The following SPAG1 variants were observed in gnomAD, a reference collection of about 807,000 sequenced individuals.
SPAG1 encodes the protein sperm-associated antigen 1.
A neutral mutation model predicts 100.5 loss-of-function variants in SPAG1; 69 were observed. The observed-to-expected ratio is 0.69, with a 90% CI of 0.57 to 0.84. SPAG1 has a LOEUF of 0.84. SPAG1 is among the 40% of genes least tolerant of loss of function. The pLI, the probability that SPAG1 is intolerant of heterozygous loss-of-function variation, is 0.00. For synonymous variants in SPAG1, 336 were observed against 411.6 expected (o/e 0.82, Z 2.22); for missense variants, 955 against 1,133.1 (o/e 0.84, Z 2.26).
At chr8:100,206,235 C>A (rs565236063) in intron 10 of SPAG1, among the ~76,000 whole-genome samples, 5 of 152,092 alleles carry the variant, frequency 3.3e-5, no homozygotes, top group Non-Finnish European at 5.9e-5. Context: ...ATTAACACAT[C>A]TCCTGGTACC....
intron 16 of SPAG1, among the ~76,000 whole-genome samples, chr8:100,234,031 A>G (rs1460839563): frequency 1.3e-5 from 2 of 152,228 alleles, no homozygotes; most frequent in East Asian, 3.9e-4. Context: ...GTAAAATGCC[A>G]TTCTTCTCTA....
At chr8:100,182,643 AT>A (rs1220823121) in intron 4 of SPAG1, among the ~76,000 whole-genome samples, 6 of 152,144 alleles carry the variant, frequency 3.9e-5, no homozygotes, top group Non-Finnish European at 8.8e-5. Context: ...TTCTTTTTTA[AT>A]GTAATTATTC....
At chr8:100,183,900 A>T in intron 5 of SPAG1, 56 bp from the exon 6 acceptor site, 1 of 808,768 alleles carries the variant, frequency 1.2e-6, no homozygotes, top group South Asian at 1.6e-5. Context: ...TCAATGATAA[A>T]TTTATTTTCT....
chr8:100,241,189 C>G lies in SPAG1; in HGVS notation c.*167C>G. ...ACATAGAACATGTATATTCTACAAT[C>G]TGCTTTTTATTAGTTGTAAATATTT... On this transcript the variant is annotated 3_prime_UTR_variant, in exon 19 of 19. Transcript: ENST00000388798. The surrounding 1 kb of genome is among the most constrained non-coding windows in gnomAD (Gnocchi z 5.1). The G allele has an allele frequency of 4.2e-6, 2 of 479,724 alleles. No homozygotes were observed. The highest frequency in any genetic ancestry group is 7.0e-6 in the Non-Finnish European group (2 of 284,596). The allele number at this position is 479,724 out of a possible 1,614,324, so 29.7% of individuals were successfully genotyped here. A position where few individuals can be genotyped will look rare whatever the true frequency, so the allele number is the denominator to read the frequency against.
intron 3 of SPAG1, among the ~76,000 whole-genome samples, chr8:100,175,350 T>C (rs1292186621): frequency 6.7e-6 from 1 of 150,284 alleles, no homozygotes; most frequent in Admixed American, 6.7e-5. Context: ...AGTGGCTCGA[T>C]CTTGGCTCAC....
Position 100,239,694 on chromosome 8 carries a change from G to A in SPAG1, c.2280+290G>A, listed in dbSNP as rs1336045371. Among the ~76,000 whole-genome samples, 3 of 152,146 alleles carry A rather than the reference G, an allele frequency of 2.0e-5. No individual in the cohort carries two copies. The highest frequency in any genetic ancestry group is 6.6e-5 in the Admixed American group (1 of 15,264). On this transcript the variant is annotated intron_variant, in intron 17 of 18. Coordinates refer to ENST00000388798, the MANE Select transcript of SPAG1 (RefSeq NM_003114.5). The surrounding 1 kb of genome is among the most constrained non-coding windows in gnomAD (Gnocchi z 5.0). ...ACTCCAGAGTACACTGGGAACCAGCGGCCACTGACTTTGCTCCAGGGTAGA... is the reference window on the plus strand; with the variant it reads ...ACTCCAGAGTACACTGGGAACCAGCAGCCACTGACTTTGCTCCAGGGTAGA...
At chr8:100,182,788 T>A (rs962017169) in intron 4 of SPAG1, among the ~76,000 whole-genome samples, 1 of 152,114 alleles carries the variant, frequency 6.6e-6, no homozygotes. Flanking sequence ...ATAATCATAT[T>A]CACACATAAG....
Position 100,240,741 on chromosome 8 carries a change from T to C in SPAG1, c.2619T>C (p.Leu873=), listed in dbSNP as rs1367475522. Residue 873 remains leucine (L), a synonymous_variant, in exon 18 of 19, where the codon CTT becomes CTC. Coordinates refer to ENST00000388798, the MANE Select transcript of SPAG1 (RefSeq NM_003114.5). The part of the protein sequence containing the change: ...EKDPSLVYQH[L]LYLSKAERFK... ...ATCCCTCATTGGTGTATCAGCATCTTTTATACCTGAGTAAAGCAGAAAGGT... is the reference window on the plus strand; with the variant it reads ...ATCCCTCATTGGTGTATCAGCATCTCTTATACCTGAGTAAAGCAGAAAGGT... 1 of 1,607,782 alleles carries C rather than the reference T, an allele frequency of 6.2e-7. No individual in the cohort carries two copies. The highest frequency in any genetic ancestry group is 8.5e-7 in the Non-Finnish European group (1 of 1,177,858).
At chr8:100,223,277 G>A (rs1003698220) in intron 13 of SPAG1, among the ~76,000 whole-genome samples, 1 of 152,044 alleles carries the variant, frequency 6.6e-6, no homozygotes, top group Non-Finnish European at 1.5e-5. Context: ...GTTCCTTTTC[G>A]TATATGCCTA....
chr8:100,194,942 G>A (rs1316366155), intron 10 of SPAG1, among the ~76,000 whole-genome samples: 1 of 152,028 alleles, frequency 6.6e-6, no homozygotes, highest in East Asian at 1.9e-4. Flanking sequence ...CGAGGCGGGT[G>A]CATCATGAGG....
chr8:100,160,618 C>T (rs1815262558), intron 1 of SPAG1, among the ~76,000 whole-genome samples: 1 of 131,336 alleles, frequency 7.6e-6, no homozygotes, highest in Non-Finnish European at 1.6e-5. Context: ...CAGAGCAAGA[C>T]TCCAACTCAA....
chr8:100,207,710 T>C (rs2132332806), intron 10 of SPAG1, among the ~76,000 whole-genome samples: 1 of 152,364 alleles, frequency 6.6e-6, no homozygotes, highest in Admixed American at 6.5e-5. Context: ...ACTCATGGAA[T>C]GCCTTATCCG....
chr8:100,241,500 A>G lies in SPAG1; in HGVS notation c.*478A>G, dbSNP rs1289745230. 3 of 152,242 alleles carry G rather than the reference A, an allele frequency of 2.0e-5. No individual in the cohort carries two copies. Among genetic ancestry groups the G allele is most frequent in the African/African-American group, 7.2e-5 (3 of 41,470 alleles). The allele number at this position is 152,242 out of a possible 1,614,324, so 9.4% of individuals were successfully genotyped here. On this transcript the variant is annotated 3_prime_UTR_variant, in exon 19 of 19. Coordinates refer to ENST00000388798, the MANE Select transcript of SPAG1 (RefSeq NM_003114.5). This position sits in a 1 kb window ranked among gnomAD's most constrained non-coding sequence, Gnocchi z 5.1. ...GTGGATTACAGTCAGTTAAAATGAA[A>G]TGCAACACTGAAGTCTATAACATGA...
intron 4 of SPAG1, among the ~76,000 whole-genome samples, chr8:100,181,971 A>G (rs768382591): frequency 6.6e-6 from 1 of 152,180 alleles, no homozygotes; most frequent in African/African-American, 2.4e-5. Flanking sequence ...TTGAGCCTGT[A>G]AGGACTGCAT....
At chr8:100,212,393 C>T (rs1817752241) in intron 10 of SPAG1, among the ~76,000 whole-genome samples, 2 of 152,136 alleles carry the variant, frequency 1.3e-5, no homozygotes, top group Admixed American at 1.3e-4. Flanking sequence ...ATTGCTAAGA[C>T]ACCATAAATT....
At chr8:100,216,778 A>AAGCC (rs1235883051) in intron 12 of SPAG1, among the ~76,000 whole-genome samples, 1 of 152,144 alleles carries the variant, frequency 6.6e-6, no homozygotes, top group African/African-American at 2.4e-5. Flanking sequence ...AATGCCAGAG[A>AAGCC]AGCCACTCTG....
At chr8:100,207,564 G>T (rs374140528) in intron 10 of SPAG1, among the ~76,000 whole-genome samples, 1 of 152,300 alleles carries the variant, frequency 6.6e-6, no homozygotes, top group East Asian at 1.9e-4. Context: ...GCACCTGGTG[G>T]TACACTTTGC....
At chr8:100,220,151 G>T in intron 12 of SPAG1, 128 bp from the exon 13 acceptor site, 1 of 711,426 alleles carries the variant, frequency 1.4e-6, no homozygotes, top group Non-Finnish European at 2.2e-6. Context: ...CATGTTGCCT[G>T]GTTCCCAAGA....
chr8:100,186,605 G>A (rs934757593), intron 7 of SPAG1, among the ~76,000 whole-genome samples: 3 of 152,058 alleles, frequency 2.0e-5, no homozygotes, highest in African/African-American at 4.8e-5. Context: ...TAGTATGCTT[G>A]TAGAATTGTA....
Sources: allele counts gnomAD v4.1 joint callset (sites outside exome capture counted in the v4.1 genomes callset), GRCh38; gene constraint gnomAD v4.1.1; non-coding constraint Gnocchi (gnomAD v3.1); transcripts MANE v1.5; gene names NCBI Gene and HGNC (gene_info 2026-07-23, HGNC 2026-07-21).